The following TMEM267 variants were observed in gnomAD, a reference collection of about 807,000 sequenced individuals.
TMEM267 encodes transmembrane protein 267.
Under a neutral mutation model 19.3 loss-of-function variants are expected in TMEM267, and 20 were observed. The observed-to-expected ratio is 1.04, with a 90% CI of 0.73 to 1.51. The LOEUF is 1.51. Ranked by LOEUF, TMEM267 falls within the 40% of genes most tolerant of loss-of-function variation. The pLI, the probability that TMEM267 is intolerant of heterozygous loss-of-function variation, is 0.00. For synonymous variants in TMEM267, 88 were observed against 90.3 expected, an observed-to-expected ratio of 0.97 and a Z score of 0.15; for missense variants, 242 against 261.9, an observed-to-expected ratio of 0.92 and a Z score of 0.52.
At chr5:43,468,260 G>A (rs1335421850) in intron 1 of TMEM267, among the ~76,000 whole-genome samples, 1 of 152,192 alleles carries the variant, frequency 6.6e-6, no homozygotes, top group East Asian at 1.9e-4. Context: ...AAGACGCGGG[G>A]CTTTGGGCAT....
In TMEM267 at chr5:43,446,339, T is replaced by C. The variant is rs1742235999; in HGVS notation, c.531A>G (p.Pro177=). Residue 177 remains proline (P), a synonymous_variant, in exon 3 of 3, where the codon CCA becomes CCG. Transcript: ENST00000397080. ...ICPFGKTSPL[P]FWLYVIITSS... is the part of the protein sequence containing the mutation. ...ATGTGATTATTACATAAAGCCAGAA[T>C]GGCAAAGGAGAAGTTTTTCCAAATG... 1 of 1,614,012 alleles carries C rather than the reference T, an allele frequency of 6.2e-7. No individual in the cohort carries two copies. Among genetic ancestry groups the C allele is most frequent in the African/African-American group, 1.3e-5 (1 of 75,054 alleles).
chr5:43,464,093 C>T (rs1743457165), intron 1 of TMEM267, among the ~76,000 whole-genome samples: 1 of 152,168 alleles, frequency 6.6e-6, no homozygotes, highest in African/African-American at 2.4e-5. Context: ...AGTTGATAAG[C>T]AACTTCAGCA....
intron 2 of TMEM267, among the ~76,000 whole-genome samples, chr5:43,449,562 T>C (rs1742458155): frequency 6.6e-6 from 1 of 152,222 alleles, no homozygotes; most frequent in Non-Finnish European, 1.5e-5. Flanking sequence ...GCTATTACTG[T>C]AATAATGATA....
At chr5:43,452,247 A>G (rs1298942615) in intron 2 of TMEM267, among the ~76,000 whole-genome samples, 1 of 152,134 alleles carries the variant, frequency 6.6e-6, no homozygotes, top group Non-Finnish European at 1.5e-5. Context: ...TAATCACACC[A>G]TGGAACACTA....
intron 1 of TMEM267, among the ~76,000 whole-genome samples, chr5:43,460,371 T>C (rs186857364): frequency 6.6e-6 from 1 of 152,092 alleles, no homozygotes; most frequent in African/African-American, 2.4e-5. Flanking sequence ...GTTAACCACA[T>C]ATTTGAATTA....
At chr5:43,479,947 T>C (rs1279836487) in intron 1 of TMEM267, 4 of 414,800 alleles carry the variant, frequency 9.6e-6, no homozygotes, top group Non-Finnish European at 1.9e-5. Flanking sequence ...GTGTCACAAA[T>C]TATGAATCAT....
At position 43,446,470 on chromosome 5, in the gene TMEM267, G is replaced by C. The variant is rs1372435962; in HGVS notation, c.400C>G (p.Leu134Val). 3.7e-6 allele frequency: 6 copies of C among 1,613,740 alleles called. No homozygotes were observed. Among genetic ancestry groups the C allele is most frequent in the Non-Finnish European group, 4.2e-6 (5 of 1,179,842 alleles). The change falls in exon 3 of 3, where the codon CTT becomes GTT. Residue 134 changes from leucine to valine, a missense_variant. By Grantham distance (32) the Leu-to-Val change is conservative. Transcript: ENST00000397080. Reference sequence around the variant, plus strand: ...CACCATGAGTCTTTGAGCTTGAAAAGGTGCATAGTAAATTTCAGGGTCAGA... The same window carrying C: ...CACCATGAGTCTTTGAGCTTGAAAACGTGCATAGTAAATTTCAGGGTCAGA... ...VVLTLKFTMH[L>V]FKLKDSWCFL...
In TMEM267 at chr5:43,446,538, C is replaced by T. The variant is rs35426098; in HGVS notation, c.332G>A (p.Arg111Gln). The change falls in exon 3 of 3, where the codon CGA (arginine) becomes CAA (glutamine). Residue 111 changes from arginine to glutamine, a missense_variant. Arg to Gln is a conservative substitution (Grantham distance 43). Transcript: ENST00000397080. ...MSLKAALTLPRRPFLHCSTVI... is the reference protein window; with the variant it reads ...MSLKAALTLPQRPFLHCSTVI... Reference sequence around the variant, plus strand: ...AGTAGAACAGTGAAGGAAAGGTCTTCGCGGGAGAGTCAAAGCAGCCTGAGG... The same window carrying T: ...AGTAGAACAGTGAAGGAAAGGTCTTTGCGGGAGAGTCAAAGCAGCCTGAGG... 245 of 1,609,584 alleles carry T rather than the reference C, an allele frequency of 1.5e-4. No homozygotes were observed. In the African/African-American group the frequency reaches 2.7e-3, roughly 18 times the overall value.
chr5:43,446,496 A>G lies in TMEM267; in HGVS notation c.374T>C (p.Val125Ala), dbSNP rs756352849. 1 of 1,613,988 alleles carries G rather than the reference A, an allele frequency of 6.2e-7. No individual in the cohort carries two copies. Among genetic ancestry groups the G allele is most frequent in the African/African-American group, 1.3e-5 (1 of 74,936 alleles). ...GTGCATAGTAAATTTCAGGGTCAGA[A>G]CCACAACGGGAATCACAGTAGAACA... is the stretch of plus-strand genomic sequence containing the variant. ...LHCSTVIPVV[V>A]LTLKFTMHLF... Residue 125 changes from valine to alanine, a missense_variant, in exon 3 of 3, where the codon GTT becomes GCT. By Grantham distance (64) the Val-to-Ala change is moderately conservative. Transcript: ENST00000397080.
Position 43,453,589 on chromosome 5 carries a change from T to G in TMEM267, c.312+69A>C, listed in dbSNP as rs779155225. The G allele has an allele frequency of 9.0e-5, 122 of 1,351,576 alleles. 1 individual carries two copies. The highest frequency in any genetic ancestry group is 1.1e-4 in the Non-Finnish European group (103 of 979,512). 83.7% of individuals were successfully genotyped at this position (1,351,576 alleles called of 1,614,324 possible). ...ACAAATCCTCTCTAGTTCTAAATGATGCTGTAAAGATCAGCAAAATAGTGC... is the reference window on the plus strand; with the variant it reads ...ACAAATCCTCTCTAGTTCTAAATGAGGCTGTAAAGATCAGCAAAATAGTGC... On this transcript the variant is annotated intron_variant, in intron 2 of 2. Coordinates refer to ENST00000397080, the MANE Select transcript of TMEM267 (RefSeq NM_022483.5).
At chr5:43,464,708 G>A (rs1425644688) in intron 1 of TMEM267, among the ~76,000 whole-genome samples, 1 of 152,210 alleles carries the variant, frequency 6.6e-6, no homozygotes, top group Non-Finnish European at 1.5e-5. Context: ...AATGGGGGAA[G>A]GATTCCCTAT....
chr5:43,476,452 A>G (rs1744425057), intron 1 of TMEM267, among the ~76,000 whole-genome samples: 2 of 141,616 alleles, frequency 1.4e-5, no homozygotes, highest in Non-Finnish European at 3.1e-5. Context: ...ATAGGTCTTT[A>G]GCTCACAAAG....
chr5:43,447,987 G>A (rs1742359218), intron 2 of TMEM267, among the ~76,000 whole-genome samples: 1 of 152,096 alleles, frequency 6.6e-6, no homozygotes, highest in African/African-American at 2.4e-5. Context: ...TGGTGAAAAG[G>A]AAAAGAAGTA....
rs995956064 is a variant in TMEM267 at position 43,481,331 on chromosome 5, G to A, written c.-75+2491C>T. On this transcript the variant is annotated intron_variant, in intron 1 of 2. Coordinates refer to ENST00000397080, the MANE Select transcript of TMEM267 (RefSeq NM_022483.5). Reference sequence around the variant, plus strand: ...TGCCCGGGCTGGTCTTCAGCTCCTGGCCTCAAGTGATCCTTCCACTTTGGC... The same window carrying A: ...TGCCCGGGCTGGTCTTCAGCTCCTGACCTCAAGTGATCCTTCCACTTTGGC... 4.0e-5 allele frequency among the ~76,000 whole-genome samples: 6 copies of A among 151,200 alleles called. No homozygotes were observed. The East Asian group carries it at 1.2e-3, about 30-fold the overall frequency.
chr5:43,471,203 C>T (rs1327569194), intron 1 of TMEM267, among the ~76,000 whole-genome samples: 1 of 151,644 alleles, frequency 6.6e-6, no homozygotes, highest in African/African-American at 2.4e-5. Flanking sequence ...AATAGCCACA[C>T]ATAAAATTAA....
intron 1 of TMEM267, among the ~76,000 whole-genome samples, chr5:43,475,267 G>T (rs923727224): frequency 6.6e-6 from 1 of 151,608 alleles, no homozygotes; most frequent in Non-Finnish European, 1.5e-5. Flanking sequence ...CAAACTAACA[G>T]AACAGAAAAC....
In TMEM267 at chr5:43,444,616, T is replaced by G. The variant is rs1385882715; in HGVS notation, c.*1606A>C. ...AAATAAGGCCCTATATTTTTAATAA[T>G]ATTTATTTGTTTAATATGAAGAAAG... is the stretch of plus-strand genomic sequence containing the variant. On this transcript the variant is annotated 3_prime_UTR_variant, in exon 3 of 3. Transcript: ENST00000397080. The G allele has an allele frequency of 6.6e-6, 1 of 152,258 alleles. No individual in the cohort carries two copies. Among genetic ancestry groups the G allele is most frequent in the Non-Finnish European group, 1.5e-5 (1 of 68,018 alleles). The allele number at this position is 152,258 out of a possible 1,614,324, so 9.4% of individuals were successfully genotyped here. A position where few individuals can be genotyped will look rare whatever the true frequency, so the allele number is the denominator to read the frequency against.
rs962084033 is a variant in TMEM267, at chr5:43,444,943, T to C, written c.*1279A>G. On this transcript the variant is annotated 3_prime_UTR_variant, in exon 3 of 3. Transcript: ENST00000397080. ...AATAATTTACAGAATTCTGTTTAAC[T>C]TAATATACAAGAAAATCTGCTGTGG... 1.3e-5 allele frequency: 2 copies of C among 152,140 alleles called. No individual in the cohort carries two copies. Among genetic ancestry groups the C allele is most frequent in the African/African-American group, 4.8e-5 (2 of 41,436 alleles). 9.4% of individuals were successfully genotyped at this position (152,140 alleles called of 1,614,324 possible). A position where few individuals can be genotyped will look rare whatever the true frequency, so the allele number is the denominator to read the frequency against.
chr5:43,453,717 A>G lies in TMEM267; in HGVS notation c.253T>C (p.Phe85Leu). Reference sequence around the variant, plus strand: ...TCTACATCAATAACAGAGGCTAAAAATCCAGCTAAAATGATTTCTCCAAAG... The same window carrying G: ...TCTACATCAATAACAGAGGCTAAAAGTCCAGCTAAAATGATTTCTCCAAAG... ...TDFGEIILAG[F>L]LASVIDVDHF... The change falls in exon 2 of 3, where the codon TTT becomes CTT. Residue 85 changes from phenylalanine to leucine, a missense_variant. Physicochemically the swap from Phe to Leu is conservative, Grantham distance 22. Transcript: ENST00000397080. 1.2e-6 allele frequency: 2 copies of G among 1,614,144 alleles called. No homozygotes were observed. Among genetic ancestry groups the G allele is most frequent in the Non-Finnish European group, 1.7e-6 (2 of 1,179,982 alleles).
Sources: gnomAD v4.1 joint callset for allele counts (sites outside exome capture counted in the v4.1 genomes callset) on GRCh38, gnomAD v4.1.1 for gene constraint, MANE v1.5 for transcripts, NCBI Gene and HGNC (gene_info 2026-07-23, HGNC 2026-07-21) for gene names.